ACTR3C: variants seen among roughly 807,000 people sequenced by gnomAD.
ACTR3C encodes actin related protein 3C.
Under a neutral mutation model 26.3 loss-of-function variants are expected in ACTR3C, and 18 were observed. That is an observed-to-expected ratio of 0.68 (90% CI 0.47 to 1.01). The LOEUF (loss-of-function observed/expected upper bound fraction) is 1.01. ACTR3C is among the 50% of genes least tolerant of loss of function. The pLI is 0.00. For synonymous variants in ACTR3C, 55 were observed against 94.5 expected (o/e 0.58, Z 2.42); for missense variants, 184 against 250.7 (o/e 0.73, Z 1.80).
At chr7:150,161,226 T>TATATATATATATATA in the ACTR3C span, among the ~76,000 whole-genome samples, 8 of 78,876 alleles carry the variant, frequency 1.0e-4, no homozygotes, top group Non-Finnish European at 1.7e-4. Context: ...ATATATATAT[T>TATATATATATATATA]TATTATACTT....
intron 6 of ACTR3C, among the ~76,000 whole-genome samples, chr7:150,279,978 C>T (rs2129611824): frequency 6.6e-6 from 1 of 152,294 alleles, no homozygotes; most frequent in Middle Eastern, 3.4e-3. Flanking sequence ...CAAGTACCTC[C>T]TGAATAGAAC....
At chr7:150,231,047 A>ATCTT in the ACTR3C span, among the ~76,000 whole-genome samples, 9,028 of 151,702 alleles carry the variant, frequency 0.06, 476 homozygotes, top group African/African-American at 0.14. Flanking sequence ...TCAATTTTGG[A>ATCTT]TCTTCTTCTC....
the ACTR3C span, among the ~76,000 whole-genome samples, chr7:150,211,795 C>G: frequency 6.6e-6 from 1 of 151,436 alleles, no homozygotes; most frequent in East Asian, 1.9e-4. Context: ...GTAAACCATC[C>G]GCCACTGGAT....
the ACTR3C span, among the ~76,000 whole-genome samples, chr7:150,091,828 A>C: frequency 3.9e-4 from 56 of 142,344 alleles, no homozygotes; most frequent in Non-Finnish European, 7.7e-4. Flanking sequence ...TAAAAATACA[A>C]AAAAAAAAAA....
At chr7:149,975,782 G>A in the ACTR3C span, among the ~76,000 whole-genome samples, 151 of 152,272 alleles carry the variant, frequency 9.9e-4, no homozygotes, top group African/African-American at 3.5e-3. Flanking sequence ...GTCGAGCAAA[G>A]GGGAAAGCCC....
the ACTR3C span, among the ~76,000 whole-genome samples, chr7:149,905,832 A>T: frequency 3.5e-4 from 54 of 152,290 alleles, no homozygotes; most frequent in African/African-American, 1.3e-3. Context: ...CACACTGCTG[A>T]TGGGATATCC....
At chr7:150,037,066 G>T in the ACTR3C span, among the ~76,000 whole-genome samples, 2 of 116,826 alleles carry the variant, frequency 1.7e-5, no homozygotes, top group African/African-American at 6.0e-5. Context: ...CACCCTCGCG[G>T]GGGGTGCCTC....
At chr7:150,158,207 C>T in the ACTR3C span, among the ~76,000 whole-genome samples, 8 of 151,780 alleles carry the variant, frequency 5.3e-5, no homozygotes, top group African/African-American at 9.7e-5. Context: ...TTGGTGAGGA[C>T]GTGAAGAAAA....
chr7:150,231,013 CTT>C, the ACTR3C span, among the ~76,000 whole-genome samples: 1 of 151,862 alleles, frequency 6.6e-6, no homozygotes, highest in Admixed American at 6.6e-5. Flanking sequence ...TTTTTTTATG[CTT>C]TTCTTCTATA....
chr7:149,903,771 T>C, the ACTR3C span, among the ~76,000 whole-genome samples: 2 of 149,454 alleles, frequency 1.3e-5, no homozygotes, highest in Admixed American at 6.7e-5. Flanking sequence ...CTCAAACTCC[T>C]GGGCTCAAGC....
chr7:149,957,925 G>T, the ACTR3C span, among the ~76,000 whole-genome samples: 1 of 152,062 alleles, frequency 6.6e-6, no homozygotes, highest in South Asian at 2.1e-4. Flanking sequence ...CAGTAATTCA[G>T]GTTTCCACTG....
At chr7:149,961,533 CAT>C in the ACTR3C span, among the ~76,000 whole-genome samples, 3 of 151,348 alleles carry the variant, frequency 2.0e-5, no homozygotes, top group African/African-American at 7.3e-5. Flanking sequence ...AGTGTGGCCT[CAT>C]AGGAAGTGTG....
the ACTR3C span, among the ~76,000 whole-genome samples, chr7:150,026,218 T>C: frequency 6.6e-6 from 1 of 152,214 alleles, no homozygotes; most frequent in African/African-American, 2.4e-5. Flanking sequence ...CAAACCCTGA[T>C]TGAGACATTT....
At chr7:149,972,421 G>A in the ACTR3C span, among the ~76,000 whole-genome samples, 1,023 of 152,214 alleles carry the variant, frequency 6.7e-3, 7 homozygotes, top group African/African-American at 0.023. Flanking sequence ...CCCTGTCCAC[G>A]TTCCCATCTG....
chr7:150,101,782 A>G, the ACTR3C span, among the ~76,000 whole-genome samples: 1 of 151,790 alleles, frequency 6.6e-6, no homozygotes, highest in East Asian at 1.9e-4. Context: ...GCAAAGGCAT[A>G]ATTGACTCTC....
chr7:149,898,491 G>A, the ACTR3C span, among the ~76,000 whole-genome samples: 1 of 152,138 alleles, frequency 6.6e-6, no homozygotes, highest in Non-Finnish European at 1.5e-5. Context: ...AGATCACAAG[G>A]TCAAGAGATC....
chr7:149,886,714 G>C, the ACTR3C span, among the ~76,000 whole-genome samples: 1 of 152,194 alleles, frequency 6.6e-6, no homozygotes, highest in South Asian at 2.1e-4. Context: ...CTAGCATTTT[G>C]GGAAGCCAAG....
At chr7:150,016,212 G>A in the ACTR3C span, among the ~76,000 whole-genome samples, 1 of 151,984 alleles carries the variant, frequency 6.6e-6, no homozygotes, top group Admixed American at 6.5e-5. Flanking sequence ...AGTGGCTCAA[G>A]CCTCCATCAA....
the ACTR3C span, among the ~76,000 whole-genome samples, chr7:150,200,391 A>G: frequency 6.6e-6 from 1 of 152,154 alleles, no homozygotes; most frequent in Admixed American, 6.5e-5. Context: ...TGCAATGCAT[A>G]TATCTGACAA....
Sources: allele counts gnomAD v4.1 joint callset (sites outside exome capture counted in the v4.1 genomes callset), GRCh38; gene constraint gnomAD v4.1.1; transcripts MANE v1.5; gene names NCBI Gene and HGNC (gene_info 2026-07-23, HGNC 2026-07-21).